The following ANO3 variants were observed in gnomAD, a reference collection of about 807,000 sequenced individuals.
The protein encoded by ANO3 is anoctamin-3.
ANO3 carries 99 observed loss-of-function variants against 144.8 expected under a neutral mutation model. That is an observed-to-expected ratio of 0.68 (90% CI 0.58 to 0.81). The LOEUF (loss-of-function observed/expected upper bound fraction) is 0.81. Ranked by LOEUF, ANO3 falls within the 30% of genes least tolerant of loss-of-function variation. The probability of loss-of-function intolerance (pLI) is 0.00; values close to 1 mark genes in which losing one functional copy is unlikely to be tolerated. For missense variants in ANO3, 905 were observed against 1,202.2 expected (o/e 0.75, Z 3.66); for synonymous variants, 414 against 392.6 (o/e 1.05, Z -0.64).
intron 14 of ANO3, chr11:26,565,184 A>C (rs1160082143): frequency 6.6e-7 from 1 of 1,506,038 alleles, no homozygotes. Context: ...GATCTGACGT[A>C]TTTGGAAAGA....
At chr11:26,191,291 A>C (rs1227575563) in intron 1 of ANO3, among the ~76,000 whole-genome samples, 4 of 150,448 alleles carry the variant, frequency 2.7e-5, no homozygotes, top group Non-Finnish European at 4.5e-5. Context: ...AAGAAAAAAA[A>C]ACACATATAT....
chr11:26,360,369 C>A (rs1401128567), intron 1 of ANO3, among the ~76,000 whole-genome samples: 1 of 152,016 alleles, frequency 6.6e-6, no homozygotes, highest in African/African-American at 2.4e-5. Context: ...ATGTACTTCC[C>A]TGCAGCGTGA....
intron 5 of ANO3, among the ~76,000 whole-genome samples, chr11:26,511,310 A>G (rs947573183): frequency 6.6e-6 from 1 of 152,174 alleles, no homozygotes; most frequent in Non-Finnish European, 1.5e-5. Context: ...GGAGATTTTT[A>G]TATCTTCCCT....
intron 17 of ANO3, among the ~76,000 whole-genome samples, chr11:26,619,739 T>A (rs1852361312): frequency 6.6e-6 from 1 of 152,204 alleles, no homozygotes; most frequent in African/African-American, 2.4e-5. Flanking sequence ...AGTGCTGGGA[T>A]TACAGGCGTG....
chr11:26,633,260 A>G (rs1238096864), intron 18 of ANO3, among the ~76,000 whole-genome samples: 2 of 152,110 alleles, frequency 1.3e-5, no homozygotes, highest in African/African-American at 4.8e-5. Flanking sequence ...TTTTCTTTTA[A>G]GCATTATAAA....
At chr11:26,475,254 G>T (rs1234981134) in intron 4 of ANO3, among the ~76,000 whole-genome samples, 1 of 150,912 alleles carries the variant, frequency 6.6e-6, no homozygotes, top group Non-Finnish European at 1.5e-5. Flanking sequence ...TATTCTTCCC[G>T]TGGATACATG....
chr11:26,295,373 A>C (rs1443331193), intron 1 of ANO3, among the ~76,000 whole-genome samples: 1 of 151,956 alleles, frequency 6.6e-6, no homozygotes, highest in Non-Finnish European at 1.5e-5. Flanking sequence ...AAATAAAAAA[A>C]AATTAGCCGG....
chr11:26,488,594 G>T (rs550557418), intron 4 of ANO3, among the ~76,000 whole-genome samples: 7 of 152,210 alleles, frequency 4.6e-5, no homozygotes, highest in African/African-American at 1.7e-4. Context: ...GAGTGAAGCC[G>T]CAGACCTTTG....
chr11:26,485,272 G>A (rs117438557), intron 4 of ANO3, among the ~76,000 whole-genome samples: 3,414 of 152,122 alleles, frequency 0.022, 64 homozygotes, highest in Non-Finnish European at 0.036. Flanking sequence ...TTCCAGTGTC[G>A]GAGGACAGAC....
At chr11:26,413,932 G>C (rs1207510627) in intron 1 of ANO3, among the ~76,000 whole-genome samples, 2 of 152,026 alleles carry the variant, frequency 1.3e-5, no homozygotes, top group Non-Finnish European at 2.9e-5. Context: ...AATAAATTCT[G>C]AAAGAAAGAC....
chr11:26,633,659 G>T (rs1852855682), intron 18 of ANO3, among the ~76,000 whole-genome samples: 1 of 152,216 alleles, frequency 6.6e-6, no homozygotes, highest in Admixed American at 6.5e-5. Flanking sequence ...TGATTTTGTA[G>T]ATGTGGGGAA....
At chr11:26,549,830 G>A (rs1016680817) in intron 12 of ANO3, among the ~76,000 whole-genome samples, 1 of 151,748 alleles carries the variant, frequency 6.6e-6, no homozygotes, top group Non-Finnish European at 1.5e-5. Context: ...CAACTCTCTG[G>A]CCTATTATTG....
intron 4 of ANO3, among the ~76,000 whole-genome samples, chr11:26,504,980 C>T (rs1204366117): frequency 1.5e-5 from 2 of 136,490 alleles, no homozygotes; most frequent in South Asian, 2.3e-4. Flanking sequence ...CCACTGCACT[C>T]CAGCCTAGGC....
intron 4 of ANO3, among the ~76,000 whole-genome samples, chr11:26,465,917 A>G (rs1185329887): frequency 6.6e-6 from 1 of 152,006 alleles, no homozygotes; most frequent in Non-Finnish European, 1.5e-5. Flanking sequence ...AGTTTGCTGT[A>G]GAATTAATCT....
intron 3 of ANO3, among the ~76,000 whole-genome samples, chr11:26,454,887 G>T (rs1859091190): frequency 6.7e-6 from 1 of 149,506 alleles, no homozygotes; most frequent in Non-Finnish European, 1.5e-5. Flanking sequence ...GATCAAGTGG[G>T]CTTCATCCCT....
intron 7 of ANO3, among the ~76,000 whole-genome samples, chr11:26,529,776 G>A (rs545665138): frequency 8.5e-4 from 129 of 151,892 alleles, no homozygotes; most frequent in Middle Eastern, 3.4e-3. Flanking sequence ...TCCATCTCTG[G>A]AGTCAATAGC....
intron 1 of ANO3, among the ~76,000 whole-genome samples, chr11:26,303,948 C>T (rs2133865049): frequency 6.6e-6 from 1 of 152,074 alleles, no homozygotes; most frequent in Non-Finnish European, 1.5e-5. Context: ...CTCTTGACCT[C>T]GTGATCCACC....
chr11:26,556,636 A>C (rs1034637146), intron 13 of ANO3, among the ~76,000 whole-genome samples: 1 of 152,220 alleles, frequency 6.6e-6, no homozygotes, highest in Middle Eastern at 3.4e-3. Context: ...CTAGGACCAA[A>C]TTTTTTAAAA....
intron 4 of ANO3, among the ~76,000 whole-genome samples, chr11:26,483,796 G>A (rs975168954): frequency 1.3e-5 from 2 of 152,200 alleles, no homozygotes; most frequent in Admixed American, 6.5e-5. Context: ...GAGGTTGGAA[G>A]AGTGTGGAGG....
Sources: allele counts gnomAD v4.1 joint callset (sites outside exome capture counted in the v4.1 genomes callset), GRCh38; gene constraint gnomAD v4.1.1; transcripts MANE v1.5; gene names NCBI Gene and HGNC (gene_info 2026-07-23, HGNC 2026-07-21).